Variants in JAK1 observed in about 807,000 individuals in gnomAD.
JAK1 encodes tyrosine-protein kinase JAK1.
In JAK1, 16 loss-of-function variants were observed where a neutral mutation model predicts 136.6. The ratio of observed to expected loss-of-function variants is 0.12; its 90% CI spans 0.08 to 0.18. The LOEUF (loss-of-function observed/expected upper bound fraction) is 0.18, where lower values mean the gene tolerates loss of function less well. Ranked by LOEUF, JAK1 falls within the 10% of genes least tolerant of loss-of-function variation. The pLI is 1.00. For synonymous variants in JAK1, 492 were observed against 519.5 expected, an observed-to-expected ratio of 0.95 and a Z score of 0.72; for missense variants, 859 against 1,450.1, an observed-to-expected ratio of 0.59 and a Z score of 6.62.
At chr1:65,056,477 A>G (rs1269911557) in intron 1 of JAK1, among the ~76,000 whole-genome samples, 1 of 152,204 alleles carries the variant, frequency 6.6e-6, no homozygotes, top group Non-Finnish European at 1.5e-5. Context: ...ACAATGAAGG[A>G]TAAGAAAGAA....
rs576739867 is a variant in JAK1 at position 64,953,489 on chromosome 1, G to A, written c.-78+12844C>T. Among the ~76,000 whole-genome samples the A allele has an allele frequency of 3.9e-5, 6 of 152,070 alleles. 1 individual carries two copies. The highest frequency in any genetic ancestry group is 1.9e-4 in the East Asian group (1 of 5,184). ...AGACCCACACAGGTAAACACAGGACGTGTTATATAACAGTCAGGTAATATA... is the reference window on the plus strand; with the variant it reads ...AGACCCACACAGGTAAACACAGGACATGTTATATAACAGTCAGGTAATATA... On this transcript the variant is annotated intron_variant, in intron 1 of 24. Transcript: ENST00000342505.
chr1:65,058,294 C>T (rs1379344546), intron 1 of JAK1: 1 of 434,780 alleles, frequency 2.3e-6, no homozygotes, highest in African/African-American at 2.1e-5. Flanking sequence ...AGCAGAATAA[C>T]TCTCCCTATG....
chr1:65,058,284 A>G (rs1164660671), intron 1 of JAK1: 1 of 410,434 alleles, frequency 2.4e-6, no homozygotes, highest in Non-Finnish European at 5.0e-6. Context: ...GGCAAAGAGA[A>G]GCAGAATAAC....
At position 64,857,806 on chromosome 1, in the gene JAK1, A is replaced by G. The variant is rs768155348; in HGVS notation, c.1335-27T>C. 5 of 1,613,352 alleles carry G rather than the reference A, an allele frequency of 3.1e-6. No homozygotes were observed. In the East Asian group the frequency reaches 1.1e-4, roughly 36 times the overall value. On this transcript the variant is annotated intron_variant, in intron 9 of 24. Coordinates refer to ENST00000342505, the MANE Select transcript of JAK1 (RefSeq NM_002227.4). ...TAGAGGGAGAAGTAGGCAAAGGGAG[A>G]AAGAGCTCACACCAAACAGGACTTT...
intron 1 of JAK1, among the ~76,000 whole-genome samples, chr1:64,891,788 G>A (rs1368848658): frequency 6.6e-6 from 1 of 152,184 alleles, no homozygotes; most frequent in Non-Finnish European, 1.5e-5. Flanking sequence ...TATTTTTCCT[G>A]TCAGGAAGTC....
chr1:64,961,847 A>C (rs1646287765), intron 1 of JAK1, among the ~76,000 whole-genome samples: 2 of 152,236 alleles, frequency 1.3e-5, no homozygotes, highest in Non-Finnish European at 2.9e-5. Context: ...CTACTACAGC[A>C]TCACCCACAA....
chr1:64,955,154 C>T (rs1646161067), intron 1 of JAK1, among the ~76,000 whole-genome samples: 1 of 152,190 alleles, frequency 6.6e-6, no homozygotes, highest in African/African-American at 2.4e-5. Context: ...TGTGTTTATT[C>T]AATAAACAGC....
rs1157084121 is a variant in JAK1, at chr1:64,847,561, A to C, written c.1870T>G (p.Leu624Val). Residue 624 changes from leucine (L) to valine (V), a missense_variant, in exon 13 of 25, where the codon TTA (leucine) becomes GTA (valine). Around this residue, in one of 4 missense-constraint regions of JAK1, gnomAD observed 409 missense variants for 753.8 expected, o/e 0.54. Transcript: ENST00000342505. ...GAAATATCCCTGTGGCTGGGGTCTA[A>C]GACTTTGAGGATCACTTTTATCTTC... ...EKKIKVILKV[L>V]DPSHRDISLA... 6.2e-7 allele frequency: 1 copy of C among 1,614,112 alleles called. No homozygotes were observed. The highest frequency in any genetic ancestry group is 2.2e-5 in the East Asian group (1 of 44,882).
At chr1:64,862,466 C>T (rs562715086) in intron 8 of JAK1, among the ~76,000 whole-genome samples, 3 of 152,282 alleles carry the variant, frequency 2.0e-5, no homozygotes, top group South Asian at 2.1e-4. Flanking sequence ...TAAGGGCTAG[C>T]GTGGTAAAGA....
chr1:64,914,699 G>T (rs1218437410), intron 1 of JAK1, among the ~76,000 whole-genome samples: 1 of 152,160 alleles, frequency 6.6e-6, no homozygotes, highest in East Asian at 1.9e-4. Context: ...GAGTAGCTGG[G>T]ATTACAGGTG....
At chr1:64,995,954 G>A (rs1646700192) in intron 2 of JAK1, among the ~76,000 whole-genome samples, 1 of 152,070 alleles carries the variant, frequency 6.6e-6, no homozygotes, top group East Asian at 1.9e-4. Flanking sequence ...GTCTAGGCTG[G>A]CCTTGAACTC....
upstream of JAK1, chr1:64,966,628 C>T (rs1329189960): frequency 4.8e-5 from 7 of 144,630 alleles, no homozygotes; most frequent in Admixed American, 3.4e-4. Context: ...CTCGCGACGT[C>T]ACCAGCGGCA....
intron 17 of JAK1, 126 bp downstream of exon 17, chr1:64,843,938 G>A: frequency 9.9e-7 from 1 of 1,005,856 alleles, no homozygotes; most frequent in Non-Finnish European, 1.5e-6. Flanking sequence ...CACCCAGTAG[G>A]CCCGTGAAGA....
chr1:64,978,396 A>C (rs1311944701), intron 2 of JAK1, among the ~76,000 whole-genome samples: 1 of 152,268 alleles, frequency 6.6e-6, no homozygotes, highest in Non-Finnish European at 1.5e-5. Context: ...GATAAACATT[A>C]GTTTATTATA....
At chr1:64,872,727 T>C (rs1291818067) in intron 5 of JAK1, among the ~76,000 whole-genome samples, 1 of 152,084 alleles carries the variant, frequency 6.6e-6, no homozygotes, top group Non-Finnish European at 1.5e-5. Flanking sequence ...AATATTTTAA[T>C]TGACATTTGA....
intron 1 of JAK1, among the ~76,000 whole-genome samples, chr1:64,954,054 T>G (rs937855095): frequency 5.9e-5 from 9 of 152,220 alleles, no homozygotes; most frequent in African/African-American, 2.2e-4. Flanking sequence ...GACCTAAAAC[T>G]GCTTCAAAAA....
chr1:64,934,905 T>C (rs1193955218), intron 1 of JAK1, among the ~76,000 whole-genome samples: 1 of 152,236 alleles, frequency 6.6e-6, no homozygotes, highest in Non-Finnish European at 1.5e-5. Context: ...AGATGAATGA[T>C]GAGGGTCCAC....
intron 2 of JAK1, among the ~76,000 whole-genome samples, chr1:65,008,966 G>C (rs549743581): frequency 6.6e-6 from 1 of 152,226 alleles, no homozygotes; most frequent in Non-Finnish European, 1.5e-5. Flanking sequence ...GATTTCAGGC[G>C]TGAGCCACTG....
At position 64,963,442 on chromosome 1, in the gene JAK1, A is replaced by T. The variant is rs149304107; in HGVS notation, c.-78+2891T>A. On this transcript the variant is annotated intron_variant, in intron 1 of 24. Transcript: ENST00000342505. The stretch of plus-strand genomic sequence containing the variant: ...AGAGCTAAAAAGTACATGTTCTGAC[A>T]ATAAGAAAACTAAGTATACTAAAAA... Among the ~76,000 whole-genome samples the T allele has an allele frequency of 2.0e-4, 30 of 150,826 alleles. No homozygotes were observed. In the East Asian group the frequency reaches 4.7e-3, roughly 24 times the overall value.
Sources: allele counts gnomAD v4.1 joint callset (sites outside exome capture counted in the v4.1 genomes callset), GRCh38; gene constraint gnomAD v4.1.1; regional missense constraint gnomAD v4.1.1; transcripts MANE v1.5; gene names NCBI Gene and HGNC (gene_info 2026-07-23, HGNC 2026-07-21).